The following EFCAB6 variants were observed in gnomAD, a reference collection of about 807,000 sequenced individuals.
EFCAB6 encodes EF-hand calcium-binding domain-containing protein 6.
A neutral mutation model predicts 169.8 loss-of-function variants in EFCAB6; 156 were observed. The ratio of observed to expected loss-of-function variants is 0.92; its 90% confidence interval spans 0.81 to 1.05. The LOEUF (loss-of-function observed/expected upper bound fraction) is 1.05, where lower values mean the gene tolerates loss of function less well. Among genes scored for constraint, EFCAB6 ranks in the 50% least tolerant of loss-of-function variants. The pLI is 0.00. For missense variants in EFCAB6, 1,800 were observed against 1,829.1 expected (o/e 0.98, Z 0.29); for synonymous variants, 698 against 676.4 (o/e 1.03, Z -0.50).
intron 17 of EFCAB6, among the ~76,000 whole-genome samples, chr22:43,637,982 AG>A (rs1215930128): frequency 2.6e-5 from 4 of 152,326 alleles, no homozygotes; most frequent in African/African-American, 9.6e-5. Flanking sequence ...CCCAGCCTAG[AG>A]GGCTGTGAGG....
Position 43,626,432 on chromosome 22 carries a change from G to A in EFCAB6, c.2465+15C>T, listed in dbSNP as rs377616246. ...CGGCATATATTAAAGACACAGACCC[G>A]TGCTGCCTTCTTACCTAATGAGTCT... On this transcript the variant is annotated intron_variant, in intron 20 of 31. Transcript: ENST00000262726. 190 of 1,612,106 alleles carry A rather than the reference G, an allele frequency of 1.2e-4. 1 individual carries two copies. The highest frequency in any genetic ancestry group is 1.6e-4 in the Middle Eastern group (1 of 6,080).
intron 26 of EFCAB6, among the ~76,000 whole-genome samples, chr22:43,574,349 G>A (rs1242822155): frequency 6.6e-6 from 1 of 151,918 alleles, no homozygotes; most frequent in African/African-American, 2.4e-5. Context: ...GTAGTGCATA[G>A]AAAGAACACC....
intron 18 of EFCAB6, 85 bp downstream of exon 18, chr22:43,635,017 C>A: frequency 1.9e-6 from 2 of 1,052,180 alleles, no homozygotes; most frequent in Non-Finnish European, 3.0e-6. Flanking sequence ...TACTTCAACC[C>A]GAGTGGCCTG....
intron 3 of EFCAB6, among the ~76,000 whole-genome samples, chr22:43,778,850 CT>C (rs1369665575): frequency 6.6e-6 from 1 of 152,108 alleles, no homozygotes; most frequent in African/African-American, 2.4e-5. Flanking sequence ...ATATTATTGA[CT>C]TCTGTCTCTG....
intron 13 of EFCAB6, among the ~76,000 whole-genome samples, chr22:43,673,755 G>A (rs2057598144): frequency 6.6e-6 from 1 of 152,142 alleles, no homozygotes; most frequent in Non-Finnish European, 1.5e-5. Context: ...ACTCCAGCCT[G>A]AGCAATAGAG....
At chr22:43,667,417 C>T (rs1236639646) in intron 16 of EFCAB6, 145 bp from the exon 17 acceptor site, 30 of 1,039,026 alleles carry the variant, frequency 2.9e-5, no homozygotes, top group Non-Finnish European at 4.2e-5. Flanking sequence ...TGGAGTGACT[C>T]AGGGGCTTCT....
chr22:43,569,033 C>T (rs2049645782), intron 26 of EFCAB6, among the ~76,000 whole-genome samples: 1 of 152,206 alleles, frequency 6.6e-6, no homozygotes, highest in African/African-American at 2.4e-5. Context: ...GTGCCTCCCT[C>T]CCTTTGGCGG....
chr22:43,611,697 C>G (rs2053318603), intron 21 of EFCAB6, among the ~76,000 whole-genome samples: 1 of 152,182 alleles, frequency 6.6e-6, no homozygotes, highest in African/African-American at 2.4e-5. Flanking sequence ...ATTTGGGAGG[C>G]TGAGGTGGGA....
At chr22:43,683,708 C>T in intron 12 of EFCAB6, 39 bp downstream of exon 12, 2 of 1,407,050 alleles carry the variant, frequency 1.4e-6, no homozygotes, top group Middle Eastern at 1.8e-4. Context: ...TTCTTAGAAA[C>T]AATGAGTGTT....
At chr22:43,562,454 C>A (rs1028299665) in intron 26 of EFCAB6, among the ~76,000 whole-genome samples, 1 of 152,016 alleles carries the variant, frequency 6.6e-6, no homozygotes, top group African/African-American at 2.4e-5. Flanking sequence ...TAAAATCCTG[C>A]CATGACATAG....
At chr22:43,717,497 AATAAAT>A (rs2147444343) in intron 8 of EFCAB6, among the ~76,000 whole-genome samples, 1 of 152,276 alleles carries the variant, frequency 6.6e-6, no homozygotes, top group Admixed American at 6.5e-5. Flanking sequence ...GAATCAATAA[AATAAAT>A]ATAAACATCC....
chr22:43,691,852 CT>C (rs2058424226), intron 10 of EFCAB6, among the ~76,000 whole-genome samples: 1 of 152,256 alleles, frequency 6.6e-6, no homozygotes, highest in East Asian at 1.9e-4. Flanking sequence ...TTTGAAAGTA[CT>C]GTGACCAGAG....
In EFCAB6 at chr22:43,628,515, G is replaced by A. The variant is rs746538428; in HGVS notation, c.2233-1836C>T. On this transcript the variant is annotated intron_variant, in intron 19 of 31. Transcript: ENST00000262726. The surrounding 1 kb of genome is among the most constrained non-coding windows in gnomAD (Gnocchi z 4.8). ...TTACAGCTGACGTCATGCATGAGGCGCCTCTGCTCAACCCCCTTGACTCTC... is the reference window on the plus strand; with the variant it reads ...TTACAGCTGACGTCATGCATGAGGCACCTCTGCTCAACCCCCTTGACTCTC... 1.3e-5 allele frequency among the ~76,000 whole-genome samples: 2 copies of A among 152,088 alleles called. No homozygotes were observed. The highest frequency in any genetic ancestry group is 1.9e-4 in the East Asian group (1 of 5,164).
chr22:43,700,845 AGTTT>A (rs2058742258), intron 10 of EFCAB6, among the ~76,000 whole-genome samples: 3 of 152,278 alleles, frequency 2.0e-5, no homozygotes, highest in East Asian at 1.9e-4. Context: ...TATATTTACC[AGTTT>A]GTTTATTAAT....
chr22:43,614,310 G>C (rs2053542148), intron 21 of EFCAB6, among the ~76,000 whole-genome samples: 1 of 151,764 alleles, frequency 6.6e-6, no homozygotes, highest in Admixed American at 6.6e-5. Context: ...ACACAATAGA[G>C]AGTCCAGAAA....
chr22:43,745,143 C>T (rs1034137354), intron 6 of EFCAB6, among the ~76,000 whole-genome samples: 1 of 152,188 alleles, frequency 6.6e-6, no homozygotes, highest in Non-Finnish European at 1.5e-5. Flanking sequence ...ACCATGGATG[C>T]TATTATTACT....
At chr22:43,659,046 G>A (rs552376284) in intron 17 of EFCAB6, among the ~76,000 whole-genome samples, 3 of 152,304 alleles carry the variant, frequency 2.0e-5, no homozygotes, top group Non-Finnish European at 2.9e-5. Flanking sequence ...CCGCTGTGCC[G>A]ACAGCAGTCA....
At chr22:43,624,291 C>T (rs1162630992) in intron 20 of EFCAB6, among the ~76,000 whole-genome samples, 1 of 152,106 alleles carries the variant, frequency 6.6e-6, no homozygotes, top group Non-Finnish European at 1.5e-5. Flanking sequence ...TGGGCTGCAG[C>T]CTCTCCTCCT....
At chr22:43,685,202 G>A (rs530555620) in intron 11 of EFCAB6, among the ~76,000 whole-genome samples, 4 of 152,294 alleles carry the variant, frequency 2.6e-5, no homozygotes, top group South Asian at 2.1e-4. Flanking sequence ...CCAAGTTGCC[G>A]AGAGCAGATT....
Sources: allele counts gnomAD v4.1 joint callset (sites outside exome capture counted in the v4.1 genomes callset), GRCh38; gene constraint gnomAD v4.1.1; non-coding constraint Gnocchi (gnomAD v3.1); transcripts MANE v1.5; gene names NCBI Gene and HGNC (gene_info 2026-07-23, HGNC 2026-07-21).